LEPROT: variants seen among roughly 807,000 people sequenced by gnomAD.
The protein encoded by LEPROT is leptin receptor gene-related protein.
LEPROT carries 3 observed loss-of-function variants against 15.4 expected under a neutral mutation model. That is an observed-to-expected ratio of 0.19 (90% CI 0.09 to 0.50). The LOEUF is 0.50. Ranked by LOEUF, LEPROT falls within the 20% of genes least tolerant of loss-of-function variation. The pLI is 0.97. For synonymous variants in LEPROT, 59 were observed against 57.5 expected (o/e 1.03, Z -0.12); for missense variants, 137 against 162.2 (o/e 0.84, Z 0.84).
chr1:65,420,752 TC>T lies in LEPROT; in HGVS notation c.16+16del. Reference sequence around the variant, plus strand: ...GGCGGGCGTTAAAGGTACATCGCGGTCCCCGGCTCGCTTGTCGTGTGGTGGG... The same window carrying T: ...GGCGGGCGTTAAAGGTACATCGCGGTCCCGGCTCGCTTGTCGTGTGGTGGG... On this transcript the variant is annotated intron_variant, in intron 1 of 3. Coordinates refer to ENST00000371065, the MANE Select transcript of LEPROT (RefSeq NM_017526.5). 8 of 1,579,014 alleles carry T rather than the reference TC, an allele frequency of 5.1e-6. No homozygotes were observed. The highest frequency in any genetic ancestry group is 6.9e-6 in the Non-Finnish European group (8 of 1,164,510).
At position 65,434,889 on chromosome 1, in the gene LEPROT, A is replaced by G. The variant is rs1040998992; in HGVS notation, c.*2970A>G. The stretch of plus-strand genomic sequence containing the variant: ...CAGCTGATGTCATGTGGTGCTGAGA[A>G]GAAAGCAGATCACACTTCATCACAG... On this transcript the variant is annotated 3_prime_UTR_variant, in exon 4 of 4. Coordinates refer to ENST00000371065, the MANE Select transcript of LEPROT (RefSeq NM_017526.5). 1.5e-5 allele frequency: 15 copies of G among 985,402 alleles called. No individual in the cohort carries two copies. The South Asian group carries it at 3.3e-4, about 22-fold the overall frequency. The allele number at this position is 985,402 out of a possible 1,614,324, so 61.0% of individuals were successfully genotyped here.
At chr1:65,427,216 T>C (rs1245464297) in intron 2 of LEPROT, among the ~76,000 whole-genome samples, 2 of 152,180 alleles carry the variant, frequency 1.3e-5, no homozygotes, top group Non-Finnish European at 2.9e-5. Flanking sequence ...GGTATTATTA[T>C]CCTCATTTCT....
Position 65,435,008 on chromosome 1 carries a change from T to A in LEPROT, c.*3089T>A, listed in dbSNP as rs1313907113. ...CATTCCCATGACTGCTGCACCTGCG[T>A]TTTTAGAGAATGCCTCATAACCCAC... On this transcript the variant is annotated 3_prime_UTR_variant, in exon 4 of 4. Transcript: ENST00000371065. The A allele has an allele frequency of 5.1e-6, 5 of 985,236 alleles. No homozygotes were observed. Among genetic ancestry groups the A allele is most frequent in the Non-Finnish European group, 6.0e-6 (5 of 829,932 alleles). The allele number at this position is 985,236 out of a possible 1,614,324, so 61.0% of individuals were successfully genotyped here. A position where few individuals can be genotyped will look rare whatever the true frequency, so the allele number is the denominator to read the frequency against.
chr1:65,434,459 G>A lies in LEPROT; in HGVS notation c.*2540G>A, dbSNP rs780471575. The A allele has an allele frequency of 1.3e-5, 13 of 985,188 alleles. No homozygotes were observed. Among genetic ancestry groups the A allele is most frequent in the African/African-American group, 1.7e-5 (1 of 57,204 alleles). The allele number at this position is 985,188 out of a possible 1,614,324, so 61.0% of individuals were successfully genotyped here. On this transcript the variant is annotated 3_prime_UTR_variant, in exon 4 of 4. Coordinates refer to ENST00000371065, the MANE Select transcript of LEPROT (RefSeq NM_017526.5). ...TCTTTATCATGTTTCAAACAAGTGG[G>A]TTACAAGCAGACTTTGAGACACTTT...
Position 65,433,076 on chromosome 1 carries a change from GCC to G in LEPROT, c.*1160_*1161del, listed in dbSNP as rs1193094522. The stretch of plus-strand genomic sequence containing the variant: ...GGGCAGGGAGGCTGGGCTCGAGCCA[GCC>G]CCTGCGTTAGCAGGAGGGGGAGAAC... On this transcript the variant is annotated 3_prime_UTR_variant, in exon 4 of 4. Transcript: ENST00000371065. 1 of 985,238 alleles carries G rather than the reference GCC, an allele frequency of 1.0e-6. No homozygotes were observed. Among genetic ancestry groups the G allele is most frequent in the African/African-American group, 1.7e-5 (1 of 57,218 alleles). 61.0% of individuals were successfully genotyped at this position (985,238 alleles called of 1,614,324 possible).
At chr1:65,428,859 A>C (rs1474989876) in intron 2 of LEPROT, among the ~76,000 whole-genome samples, 1 of 152,036 alleles carries the variant, frequency 6.6e-6, no homozygotes, top group Non-Finnish European at 1.5e-5. Flanking sequence ...CAAAATGTTG[A>C]AATTTGGGAG....
In LEPROT at chr1:65,433,542, T is replaced by C; in HGVS notation, c.*1623T>C. The C allele has an allele frequency of 1.0e-6, 1 of 985,444 alleles. No individual in the cohort carries two copies. Among genetic ancestry groups the C allele is most frequent in the Non-Finnish European group, 1.2e-6 (1 of 829,940 alleles). 61.0% of individuals were successfully genotyped at this position (985,444 alleles called of 1,614,324 possible). ...ATTCAAAACACTTAATCCTTGAGGC[T>C]TGTGATCTGAGTAATTAGCAGGTAT... On this transcript the variant is annotated 3_prime_UTR_variant, in exon 4 of 4. Coordinates refer to ENST00000371065, the MANE Select transcript of LEPROT (RefSeq NM_017526.5).
intron 2 of LEPROT, among the ~76,000 whole-genome samples, chr1:65,427,246 A>AG (rs761799725): frequency 2.9e-4 from 44 of 152,278 alleles, no homozygotes; most frequent in Non-Finnish European, 5.4e-4. Context: ...ACCAAAGCCC[A>AG]GGGTAGTTAA....
Position 65,432,300 on chromosome 1 carries a change from G to A in LEPROT, c.*381G>A. Reference sequence around the variant, plus strand: ...GCCTCTCATGACCCAGGAAGGCCGGGGTGGATCCCTCTTTGTGTTGTAGTC... The same window carrying A: ...GCCTCTCATGACCCAGGAAGGCCGGAGTGGATCCCTCTTTGTGTTGTAGTC... On this transcript the variant is annotated 3_prime_UTR_variant, in exon 4 of 4. Transcript: ENST00000371065. The A allele has an allele frequency of 1.0e-6, 1 of 992,948 alleles. No homozygotes were observed. The highest frequency in any genetic ancestry group is 1.2e-6 in the Non-Finnish European group (1 of 834,846). 61.5% of individuals were successfully genotyped at this position (992,948 alleles called of 1,614,324 possible).
At chr1:65,427,001 A>G (rs1180291337) in intron 2 of LEPROT, among the ~76,000 whole-genome samples, 1 of 151,946 alleles carries the variant, frequency 6.6e-6, no homozygotes, top group Middle Eastern at 3.2e-3. Flanking sequence ...TGTCTCCAAA[A>G]AAAAAAAAAA....
In LEPROT at chr1:65,431,988, G is replaced by A. The variant is rs1258757580; in HGVS notation, c.*69G>A. The A allele has an allele frequency of 3.4e-6, 5 of 1,491,500 alleles. No individual in the cohort carries two copies. Among genetic ancestry groups the A allele is most frequent in the East Asian group, 2.4e-5 (1 of 41,322 alleles). The allele number at this position is 1,491,500 out of a possible 1,614,324, so 92.4% of individuals were successfully genotyped here. ...ACTATCTGTATACATGTGCACATGCGGCATTTTACTATGAAATTTAATATG... is the reference window on the plus strand; with the variant it reads ...ACTATCTGTATACATGTGCACATGCAGCATTTTACTATGAAATTTAATATG... On this transcript the variant is annotated 3_prime_UTR_variant, in exon 4 of 4. Transcript: ENST00000371065.
chr1:65,435,925 C>T lies in LEPROT; in HGVS notation c.*4006C>T, dbSNP rs1056631785. On this transcript the variant is annotated 3_prime_UTR_variant, in exon 4 of 4. Coordinates refer to ENST00000371065, the MANE Select transcript of LEPROT (RefSeq NM_017526.5). ...ATCTTTCAAATAGCCATGCTACCAG[C>T]GTACAACAGTGATACATGTAACCCC... 13 of 984,908 alleles carry T rather than the reference C, an allele frequency of 1.3e-5. No individual in the cohort carries two copies. Among genetic ancestry groups the T allele is most frequent in the East Asian group, 2.3e-4 (2 of 8,824 alleles). 61.0% of individuals were successfully genotyped at this position (984,908 alleles called of 1,614,324 possible).
In LEPROT at chr1:65,433,587, A is replaced by G. The variant is rs1646517843; in HGVS notation, c.*1668A>G. 2.0e-6 allele frequency: 2 copies of G among 985,460 alleles called. No individual in the cohort carries two copies. The highest frequency in any genetic ancestry group is 2.4e-6 in the Non-Finnish European group (2 of 829,932). 61.0% of individuals were successfully genotyped at this position (985,460 alleles called of 1,614,324 possible). A position where few individuals can be genotyped will look rare whatever the true frequency, so the allele number is the denominator to read the frequency against. On this transcript the variant is annotated 3_prime_UTR_variant, in exon 4 of 4. Transcript: ENST00000371065. ...AGGTATGATGCTGGGACTGGAAAAT[A>G]GAAAGTAATAACTAAAGGGTTAATG...
At chr1:65,428,355 G>A (rs1053321125) in intron 2 of LEPROT, among the ~76,000 whole-genome samples, 6 of 152,182 alleles carry the variant, frequency 3.9e-5, no homozygotes, top group Non-Finnish European at 8.8e-5. Context: ...CTGTGGATAT[G>A]TAAGGTGACA....
intron 3 of LEPROT, 114 bp downstream of exon 3, chr1:65,430,162 GT>G: frequency 1.1e-6 from 1 of 928,516 alleles, no homozygotes; most frequent in Non-Finnish European, 1.5e-6. Flanking sequence ...AAGGCCGTGT[GT>G]TTTTAGTTTC....
chr1:65,429,181 C>T (rs558165347), intron 2 of LEPROT, among the ~76,000 whole-genome samples: 1 of 152,154 alleles, frequency 6.6e-6, no homozygotes, highest in Non-Finnish European at 1.5e-5. Flanking sequence ...GAAAGTTCTG[C>T]TTTTAGAAAG....
At chr1:65,431,676 T>G in intron 3 of LEPROT, 127 bp from the exon 4 acceptor site, 3 of 907,762 alleles carry the variant, frequency 3.3e-6, no homozygotes, top group Non-Finnish European at 5.0e-6. Flanking sequence ...TCCTGTTACA[T>G]TATTAAGCCT....
At position 65,433,601 on chromosome 1, in the gene LEPROT, A is replaced by G. The variant is rs1646518010; in HGVS notation, c.*1682A>G. The G allele has an allele frequency of 1.8e-5, 18 of 985,432 alleles. No homozygotes were observed. The highest frequency in any genetic ancestry group is 2.0e-5 in the Non-Finnish European group (17 of 829,920). 61.0% of individuals were successfully genotyped at this position (985,432 alleles called of 1,614,324 possible). A position where few individuals can be genotyped will look rare whatever the true frequency, so the allele number is the denominator to read the frequency against. On this transcript the variant is annotated 3_prime_UTR_variant, in exon 4 of 4. Transcript: ENST00000371065. ...GACTGGAAAATAGAAAGTAATAACT[A>G]AAGGGTTAATGTGCAACGTTATTTT...
intron 2 of LEPROT, among the ~76,000 whole-genome samples, chr1:65,428,831 AT>A (rs967388915): frequency 1.1e-3 from 172 of 150,096 alleles, no homozygotes; most frequent in African/African-American, 3.5e-3. Flanking sequence ...CCAGATGGCA[AT>A]TTTTTTTTTA....
Sources: allele counts gnomAD v4.1 joint callset (sites outside exome capture counted in the v4.1 genomes callset), GRCh38; gene constraint gnomAD v4.1.1; transcripts MANE v1.5; gene names NCBI Gene and HGNC (gene_info 2026-07-23, HGNC 2026-07-21).